RBFOX1: variants seen among roughly 807,000 people sequenced by gnomAD.
The protein encoded by RBFOX1 is RNA binding fox-1 homolog 1, also known as RNA binding protein fox-1 homolog 1.
Under a neutral mutation model 57.7 loss-of-function variants are expected in RBFOX1, and 8 were observed. The observed-to-expected ratio is 0.14, with a 90% CI of 0.08 to 0.25. The LOEUF (loss-of-function observed/expected upper bound fraction) is 0.25. RBFOX1 is among the 10% of genes least tolerant of loss of function. The probability of loss-of-function intolerance (pLI) is 1.00; values close to 1 mark genes in which losing one functional copy is unlikely to be tolerated. For missense variants in RBFOX1, 611 were observed against 548.5 expected, an observed-to-expected ratio of 1.11 and a Z score of -1.14; for synonymous variants, 326 against 222.4, an observed-to-expected ratio of 1.47 and a Z score of -4.15.
intron 1 of RBFOX1, among the ~76,000 whole-genome samples, chr16:5,388,702 G>A (rs2066321349): frequency 6.6e-6 from 1 of 151,900 alleles, no homozygotes; most frequent in Admixed American, 6.6e-5. Flanking sequence ...AGCCTTCTGA[G>A]TAGCTGGGAC....
intron 1 of RBFOX1, among the ~76,000 whole-genome samples, chr16:5,403,750 C>T (rs560447491): frequency 2.6e-5 from 4 of 152,286 alleles, no homozygotes; most frequent in Admixed American, 2.6e-4. Context: ...CCAGCCAATG[C>T]TCTGATGTCT....
intron 4 of RBFOX1, among the ~76,000 whole-genome samples, chr16:7,209,313 C>T (rs570513145): frequency 3.9e-5 from 6 of 151,920 alleles, no homozygotes; most frequent in African/African-American, 7.3e-5. Context: ...CCAGCGTAGG[C>T]GACAAGAGCG....
At chr16:5,385,775 C>T (rs1370759791) in intron 1 of RBFOX1, among the ~76,000 whole-genome samples, 3 of 152,152 alleles carry the variant, frequency 2.0e-5, no homozygotes. Flanking sequence ...ACTCTGCACT[C>T]GAGCAGTGGC....
Position 5,395,501 on chromosome 16 carries a change from C to T in RBFOX1, c.220-71715C>T, listed in dbSNP as rs1344868448. 1.1e-4 allele frequency among the ~76,000 whole-genome samples: 16 copies of T among 152,248 alleles called. No homozygotes were observed. In the South Asian group the frequency reaches 1.9e-3, roughly 18 times the overall value. ...CAGGTCCTCCACTGTGGCTTGGCTG[C>T]GTGGTTGAGGGAAATTTCTTCTACT... On this transcript the variant is annotated intron_variant, in intron 1 of 2. Transcript: ENST00000585867.
At chr16:5,515,127 A>G (rs1280038019) in intron 2 of RBFOX1, among the ~76,000 whole-genome samples, 1 of 152,144 alleles carries the variant, frequency 6.6e-6, no homozygotes, top group Non-Finnish European at 1.5e-5. Context: ...ATCCATGAGG[A>G]CTCGGCCCCC....
At chr16:7,253,702 C>T (rs753927460) in intron 4 of RBFOX1, among the ~76,000 whole-genome samples, 2 of 152,150 alleles carry the variant, frequency 1.3e-5, no homozygotes, top group Non-Finnish European at 2.9e-5. Flanking sequence ...CCTAGAAACC[C>T]CTACTCCATC....
chr16:5,371,919 C>A (rs760735939), intron 1 of RBFOX1, among the ~76,000 whole-genome samples: 1 of 152,196 alleles, frequency 6.6e-6, no homozygotes, highest in South Asian at 2.1e-4. Flanking sequence ...AGTAATCTTT[C>A]CTTCCTACCT....
chr16:5,695,283 C>T (rs906223032), intron 3 of RBFOX1, among the ~76,000 whole-genome samples: 3 of 152,140 alleles, frequency 2.0e-5, no homozygotes, highest in African/African-American at 7.2e-5. Context: ...CCTGGGTACT[C>T]ATCATCCAAC....
intron 4 of RBFOX1, among the ~76,000 whole-genome samples, chr16:7,345,088 G>C (rs2096969731): frequency 6.6e-6 from 1 of 152,130 alleles, no homozygotes; most frequent in Non-Finnish European, 1.5e-5. Context: ...CTATTTTCAA[G>C]ACCTTTATTT....
At chr16:5,497,726 C>T (rs1012455071) in intron 2 of RBFOX1, among the ~76,000 whole-genome samples, 1 of 152,016 alleles carries the variant, frequency 6.6e-6, no homozygotes, top group South Asian at 2.1e-4. Flanking sequence ...TCGCAGTGAG[C>T]TGAGCTGAGA....
At chr16:6,011,395 G>A (rs2094960509) in intron 4 of RBFOX1, among the ~76,000 whole-genome samples, 1 of 151,864 alleles carries the variant, frequency 6.6e-6, no homozygotes, top group Non-Finnish European at 1.5e-5. Context: ...TTGGCCTTTG[G>A]ATCCCCTATA....
chr16:7,243,675 G>A (rs562012777), intron 4 of RBFOX1, among the ~76,000 whole-genome samples: 3 of 151,980 alleles, frequency 2.0e-5, no homozygotes, highest in African/African-American at 4.8e-5. Flanking sequence ...AGCCTCCCAA[G>A]TAGCTGGGTT....
rs1334221587 is a variant in RBFOX1 at position 5,548,175 on chromosome 16, ATATATATAT to A, written c.259-50726_259-50718del. On this transcript the variant is annotated intron_variant, in intron 2 of 2. Transcript: ENST00000585867. ...GACTCTGTTAAAAAAAAAAAAAAAA[ATATATATAT>A]ATATATATATATATATATATAGACA... 1.7e-3 allele frequency among the ~76,000 whole-genome samples: 48 copies of A among 28,262 alleles called. 1 individual carries two copies. Among genetic ancestry groups the A allele is most frequent in the African/African-American group, 1.9e-3 (25 of 12,880 alleles). 18.5% of individuals were successfully genotyped at this position (28,262 alleles called of 152,430 possible). A position where few individuals can be genotyped will look rare whatever the true frequency, so the allele number is the denominator to read the frequency against.
chr16:5,467,349 C>G, intron 2 of RBFOX1: 2 of 1,204,588 alleles, frequency 1.7e-6, no homozygotes, highest in Non-Finnish European at 2.3e-6. Flanking sequence ...TGCAACTTCA[C>G]TGCCCAGGGC....
At chr16:5,284,585 A>G (rs1239324414) in intron 1 of RBFOX1, among the ~76,000 whole-genome samples, 1 of 144,154 alleles carries the variant, frequency 6.9e-6, no homozygotes, top group Non-Finnish European at 1.5e-5. Flanking sequence ...TCTGTGACCC[A>G]GGCTGGAGTA....
intron 7 of RBFOX1, among the ~76,000 whole-genome samples, chr16:7,593,691 A>G (rs895788706): frequency 2.6e-5 from 4 of 152,000 alleles, no homozygotes; most frequent in South Asian, 2.1e-4. Flanking sequence ...AACCAAAGGC[A>G]GTATTCCCAG....
At chr16:5,553,081 A>G (rs1440831889) in intron 2 of RBFOX1, among the ~76,000 whole-genome samples, 7 of 152,146 alleles carry the variant, frequency 4.6e-5, no homozygotes, top group African/African-American at 1.7e-4. Context: ...GAATTGAACA[A>G]TGAGATCACT....
At chr16:6,519,739 AT>A (rs1388696850) in intron 2 of RBFOX1, among the ~76,000 whole-genome samples, 1 of 152,076 alleles carries the variant, frequency 6.6e-6, no homozygotes, top group Non-Finnish European at 1.5e-5. Flanking sequence ...AGAACTACCA[AT>A]TACCCACCAC....
intron 4 of RBFOX1, among the ~76,000 whole-genome samples, chr16:7,082,582 TAAAA>T (rs930613674): frequency 6.6e-6 from 1 of 151,698 alleles, no homozygotes. Context: ...AAATAAAAAT[TAAAA>T]AAAGAAGGTT....
Sources: allele counts gnomAD v4.1 joint callset (sites outside exome capture counted in the v4.1 genomes callset), GRCh38; gene constraint gnomAD v4.1.1; transcripts MANE v1.5; gene names NCBI Gene and HGNC (gene_info 2026-07-23, HGNC 2026-07-21).